TMTC2: variants seen among roughly 807,000 people sequenced by gnomAD.
TMTC2 encodes protein O-mannosyl-transferase TMTC2.
TMTC2 carries 43 observed loss-of-function variants against 82.4 expected under a neutral mutation model. The observed-to-expected ratio is 0.52, with a 90% CI of 0.41 to 0.67. The LOEUF (loss-of-function observed/expected upper bound fraction) is 0.67. TMTC2 is among the 30% of genes least tolerant of loss of function. The probability of loss-of-function intolerance (pLI) is 0.00; values close to 1 mark genes in which losing one functional copy is unlikely to be tolerated. For missense variants in TMTC2, 919 were observed against 1,012.4 expected (o/e 0.91, Z 1.25); for synonymous variants, 408 against 381.9 (o/e 1.07, Z -0.80).
chr12:83,111,352 A>T (rs1884593081), intron 11 of TMTC2, among the ~76,000 whole-genome samples: 2 of 152,366 alleles, frequency 1.3e-5, no homozygotes, highest in Middle Eastern at 3.4e-3. Flanking sequence ...TCTCTGTTGC[A>T]GATGTTCAGC....
Position 82,835,089 on chromosome 12 carries a change from T to C in TMTC2, c.84-21921T>C, listed in dbSNP as rs576292329. ...GTCACCCAGGCTGGTCTCAAACCCCTGAGCTCAGATTGATTCCCTCACCTT... is the reference window on the plus strand; with the variant it reads ...GTCACCCAGGCTGGTCTCAAACCCCCGAGCTCAGATTGATTCCCTCACCTT... On this transcript the variant is annotated intron_variant, in intron 1 of 11. Transcript: ENST00000321196. 2.0e-5 allele frequency among the ~76,000 whole-genome samples: 3 copies of C among 152,252 alleles called. No individual in the cohort carries two copies. The South Asian group carries it at 6.2e-4, about 32-fold the overall frequency.
chr12:83,044,898 G>A (rs1882032623), intron 9 of TMTC2, among the ~76,000 whole-genome samples: 1 of 152,170 alleles, frequency 6.6e-6, no homozygotes, highest in Middle Eastern at 3.2e-3. Context: ...GAGTTTATAT[G>A]TAGAATTTTT....
At chr12:83,121,156 T>C (rs1170795138) in intron 11 of TMTC2, among the ~76,000 whole-genome samples, 1 of 152,224 alleles carries the variant, frequency 6.6e-6, no homozygotes, top group Admixed American at 6.5e-5. Context: ...TGCAGGTAAA[T>C]CAGGGATTTC....
chr12:82,726,219 G>A (rs1040216339), intron 1 of TMTC2, among the ~76,000 whole-genome samples: 2 of 152,110 alleles, frequency 1.3e-5, no homozygotes, highest in African/African-American at 4.8e-5. Flanking sequence ...ATGATTTGTA[G>A]GGCATGACTC....
intron 1 of TMTC2, among the ~76,000 whole-genome samples, chr12:82,828,275 G>A (rs566270585): frequency 2.1e-5 from 3 of 143,438 alleles, no homozygotes; most frequent in Non-Finnish European, 3.0e-5. Context: ...GTACAGTGGC[G>A]TGATCTCGGC....
chr12:82,790,175 TA>T (rs368323390), intron 1 of TMTC2, among the ~76,000 whole-genome samples: 29,763 of 136,310 alleles, frequency 0.22, 3,470 homozygotes, highest in Middle Eastern at 0.37. Context: ...CCTTGTCTCT[TA>T]AAAAAAAAAA....
intron 1 of TMTC2, among the ~76,000 whole-genome samples, chr12:82,731,048 CAT>C (rs1305546603): frequency 3.9e-5 from 6 of 152,136 alleles, no homozygotes; most frequent in Non-Finnish European, 5.9e-5. Context: ...GTAATGTGCA[CAT>C]GTGTTTGTAA....
intron 8 of TMTC2, among the ~76,000 whole-genome samples, chr12:82,986,873 C>G (rs1879174033): frequency 6.6e-6 from 1 of 152,114 alleles, no homozygotes; most frequent in Non-Finnish European, 1.5e-5. Context: ...TTTAAGTTTT[C>G]TGAGCTCACA....
chr12:83,041,930 A>G (rs1881910892), intron 9 of TMTC2, among the ~76,000 whole-genome samples: 1 of 152,198 alleles, frequency 6.6e-6, no homozygotes, highest in African/African-American at 2.4e-5. Context: ...TTGAATACAC[A>G]CACACAAACA....
chr12:82,920,061 A>G (rs147255323), intron 3 of TMTC2, among the ~76,000 whole-genome samples: 97 of 152,276 alleles, frequency 6.4e-4, no homozygotes, highest in Non-Finnish European at 8.1e-4. Flanking sequence ...TGCTCTAAGT[A>G]TCAATTTTCT....
intron 9 of TMTC2, among the ~76,000 whole-genome samples, chr12:83,036,375 A>G (rs550476796): frequency 6.6e-6 from 1 of 152,052 alleles, no homozygotes; most frequent in South Asian, 2.1e-4. Flanking sequence ...AATTATAATT[A>G]TCTGTATTAT....
intron 9 of TMTC2, among the ~76,000 whole-genome samples, chr12:83,038,174 T>C (rs979605185): frequency 2.7e-5 from 4 of 148,212 alleles, no homozygotes; most frequent in African/African-American, 7.4e-5. Flanking sequence ...CATTAGGAGA[T>C]ATACCTAATG....
At chr12:83,005,364 C>CG (rs918952638) in intron 8 of TMTC2, among the ~76,000 whole-genome samples, 9 of 150,892 alleles carry the variant, frequency 6.0e-5, no homozygotes, top group African/African-American at 2.2e-4. Flanking sequence ...AATGGCTGGC[C>CG]GATTGGCTCC....
chr12:83,015,348 A>T (rs1880629280), intron 8 of TMTC2, among the ~76,000 whole-genome samples: 1 of 152,146 alleles, frequency 6.6e-6, no homozygotes, highest in Non-Finnish European at 1.5e-5. Context: ...CATCCTATAT[A>T]CCTTTGAATT....
chr12:82,697,208 G>A (rs1178066149), intron 1 of TMTC2, among the ~76,000 whole-genome samples: 1 of 151,814 alleles, frequency 6.6e-6, no homozygotes. Context: ...ACTGGGCATG[G>A]TGATGCATCC....
chr12:82,727,573 T>C (rs1874524945), intron 1 of TMTC2, among the ~76,000 whole-genome samples: 1 of 151,954 alleles, frequency 6.6e-6, no homozygotes, highest in Non-Finnish European at 1.5e-5. Flanking sequence ...ATACAAAAAT[T>C]AGCCAGGCAT....
chr12:82,980,447 CT>C (rs1878865760), intron 7 of TMTC2, among the ~76,000 whole-genome samples: 1 of 151,616 alleles, frequency 6.6e-6, no homozygotes, highest in Admixed American at 6.6e-5. Context: ...CATGGAGAGA[CT>C]AGAAATTAGG....
intron 1 of TMTC2, among the ~76,000 whole-genome samples, chr12:82,723,638 A>G (rs1485957898): frequency 6.6e-6 from 1 of 152,162 alleles, no homozygotes; most frequent in African/African-American, 2.4e-5. Context: ...GGCCTGTCAC[A>G]TGAGGTCAGG....
chr12:82,943,887 A>G (rs1876851798), intron 4 of TMTC2, among the ~76,000 whole-genome samples: 1 of 152,216 alleles, frequency 6.6e-6, no homozygotes, highest in Non-Finnish European at 1.5e-5. Flanking sequence ...GGATGTAAAA[A>G]TAGAATGTTA....
Sources: allele counts gnomAD v4.1 joint callset (sites outside exome capture counted in the v4.1 genomes callset), GRCh38; gene constraint gnomAD v4.1.1; transcripts MANE v1.5; gene names NCBI Gene and HGNC (gene_info 2026-07-23, HGNC 2026-07-21).